WDR31: variants seen among roughly 807,000 people sequenced by gnomAD.
WDR31 encodes WD repeat-containing protein 31.
Under a neutral mutation model 47.3 loss-of-function variants are expected in WDR31, and 30 were observed. The ratio of observed to expected loss-of-function variants is 0.63; its 90% CI spans 0.47 to 0.86. WDR31 has a LOEUF of 0.86. Ranked by LOEUF, WDR31 falls within the 40% of genes least tolerant of loss-of-function variation. The pLI is 0.00. For synonymous variants in WDR31, 137 were observed against 159.4 expected, an observed-to-expected ratio of 0.86 and a Z score of 1.06; for missense variants, 406 against 442.9, an observed-to-expected ratio of 0.92 and a Z score of 0.75.
At chr9:113,329,404 G>A (rs1178708584) in intron 4 of WDR31, among the ~76,000 whole-genome samples, 1 of 152,050 alleles carries the variant, frequency 6.6e-6, no homozygotes, top group East Asian at 1.9e-4. Context: ...ACTTTGGGAG[G>A]CCAAGGCGGG....
At position 113,321,543 on chromosome 9, in the gene WDR31, G is replaced by A; in HGVS notation, c.606C>T (p.Tyr202=). Residue 202 remains tyrosine (Y), a synonymous_variant, in exon 8 of 11, where the codon TAC becomes TAT. Transcript: ENST00000374193. ...THLCWVPREP[Y]ILQTSEDKTL... ...TTTTATCTTCAGAGGTCTGTAGTAT[G>A]TATGGTTCTCTGGGGACCCAGCACA... The A allele has an allele frequency of 6.2e-7, 1 of 1,614,198 alleles. No homozygotes were observed. The highest frequency in any genetic ancestry group is 8.5e-7 in the Non-Finnish European group (1 of 1,180,030).
At chr9:113,332,313 GA>G (rs1300752240) in intron 2 of WDR31, among the ~76,000 whole-genome samples, 1 of 152,184 alleles carries the variant, frequency 6.6e-6, no homozygotes, top group Non-Finnish European at 1.5e-5. Context: ...CAAAAACACA[GA>G]AACAGATGTT....
Position 113,318,519 on chromosome 9 carries a change from G to A in WDR31, c.899C>T (p.Ser300Leu), listed in dbSNP as rs907719846. The A allele has an allele frequency of 2.5e-6, 4 of 1,614,122 alleles. No homozygotes were observed. The highest frequency in any genetic ancestry group is 3.4e-6 in the Non-Finnish European group (4 of 1,180,052). Residue 300 changes from serine (S) to leucine (L), a missense_variant, in exon 10 of 11, where the codon TCA becomes TTA. Ser to Leu is a moderately radical substitution (Grantham distance 145). Transcript: ENST00000374193. ...ALALMPLIAT[S>L]SHDCKVKIWN... ...AATCTTCACCTTGCAATCATGTGAT[G>A]AGGTAGCAATTAAAGGCATCAAGGC...
Position 113,315,952 on chromosome 9 carries a change from A to T in WDR31, c.*797T>A, listed in dbSNP as rs1333743263. On this transcript the variant is annotated 3_prime_UTR_variant, in exon 11 of 11. Transcript: ENST00000374193. ...AAACATATATATGTTTCATTTATATAAATCCAAATGAAAATATTAAAATTG... is the reference window on the plus strand; with the variant it reads ...AAACATATATATGTTTCATTTATATTAATCCAAATGAAAATATTAAAATTG... 1 of 152,364 alleles carries T rather than the reference A, an allele frequency of 6.6e-6. No homozygotes were observed. The highest frequency in any genetic ancestry group is 1.9e-4 in the East Asian group (1 of 5,192). 9.4% of individuals were successfully genotyped at this position (152,364 alleles called of 1,614,324 possible).
Position 113,314,614 on chromosome 9 carries a change from CTTAT to C in WDR31, c.*2131_*2134del, listed in dbSNP as rs914121400. On this transcript the variant is annotated 3_prime_UTR_variant, in exon 11 of 11. Transcript: ENST00000374193. ...TTGTCACCACCTTTCCTGGCATTTA[CTTAT>C]TTATTTATTTATTGAGATGGAGTTT... 3.4e-4 allele frequency: 52 copies of C among 150,752 alleles called. No individual in the cohort carries two copies. Among genetic ancestry groups the C allele is most frequent in the African/African-American group, 1.1e-3 (46 of 41,006 alleles). The allele number at this position is 150,752 out of a possible 1,614,324, so 9.3% of individuals were successfully genotyped here. A position where few individuals can be genotyped will look rare whatever the true frequency, so the allele number is the denominator to read the frequency against.
chr9:113,331,221 C>T, intron 3 of WDR31, 105 bp from the exon 4 acceptor site: 1 of 844,342 alleles, frequency 1.2e-6, no homozygotes, highest in Non-Finnish European at 1.7e-6. Flanking sequence ...CAATTCAGGC[C>T]AGACTAAGGA....
chr9:113,330,846 C>A (rs66790147), intron 4 of WDR31, 138 bp downstream of exon 4: 121,734 of 971,198 alleles, frequency 0.13, 8,340 homozygotes, highest in Non-Finnish European at 0.14. Context: ...GGATTTAAAT[C>A]CAGTCTTTCT....
intron 10 of WDR31, 44 bp downstream of exon 10, chr9:113,318,431 G>T: frequency 6.2e-7 from 1 of 1,611,418 alleles, no homozygotes; most frequent in South Asian, 1.1e-5. Context: ...AAGGTTTTAG[G>T]ACTTCATGTA....
chr9:113,320,335 T>C (rs1447575393), intron 9 of WDR31, 22 bp downstream of exon 9: 2 of 1,612,686 alleles, frequency 1.2e-6, no homozygotes, highest in African/African-American at 1.3e-5. Context: ...ACCAGATACC[T>C]GGACCTCACA....
intron 2 of WDR31, among the ~76,000 whole-genome samples, chr9:113,333,237 G>A (rs1833637562): frequency 1.4e-5 from 2 of 147,308 alleles, no homozygotes; most frequent in South Asian, 4.4e-4. Flanking sequence ...TTTATGTTAT[G>A]TGCACTCTGC....
intron 8 of WDR31, among the ~76,000 whole-genome samples, 182 bp from the exon 9 acceptor site, chr9:113,320,680 G>C (rs888584659): frequency 6.6e-6 from 1 of 152,212 alleles, no homozygotes; most frequent in Non-Finnish European, 1.5e-5. Flanking sequence ...AAGTTGGCAG[G>C]AAGTAACCAA....
In WDR31 at chr9:113,331,031, C is replaced by A; in HGVS notation, c.202G>T (p.Val68Leu). Residue 68 changes from valine to leucine, a missense_variant, in exon 4 of 11, where the codon GTG (valine) becomes TTG (leucine). Coordinates refer to ENST00000374193, the MANE Select transcript of WDR31 (RefSeq NM_001012361.4). Reference sequence around the variant, plus strand: ...CAAAGGTCTGAGTTCAAAGCAGCCACGACAGAGACGGTATCCATGTGAGCT... The same window carrying A: ...CAAAGGTCTGAGTTCAAAGCAGCCAAGACAGAGACGGTATCCATGTGAGCT... ...SPAHMDTVSV[V>L]AALNSDLCVS... is the part of the protein sequence containing the mutation. 6.2e-7 allele frequency: 1 copy of A among 1,612,480 alleles called. No homozygotes were observed. Among genetic ancestry groups the A allele is most frequent in the Non-Finnish European group, 8.5e-7 (1 of 1,178,750 alleles).
chr9:113,322,762 C>G, intron 7 of WDR31, 49 bp downstream of exon 7: 1 of 1,586,094 alleles, frequency 6.3e-7, no homozygotes. Flanking sequence ...TTTCCTTCAC[C>G]CCATGCTCCT....
chr9:113,318,772 A>G (rs1455431102), intron 9 of WDR31, 135 bp from the exon 10 acceptor site: 2 of 866,224 alleles, frequency 2.3e-6, no homozygotes, highest in Non-Finnish European at 3.6e-6. Context: ...ATCTTCATCC[A>G]TCCACAGACC....
At chr9:113,322,574 A>G (rs1348926655) in intron 7 of WDR31, among the ~76,000 whole-genome samples, 1 of 152,176 alleles carries the variant, frequency 6.6e-6, no homozygotes, top group Non-Finnish European at 1.5e-5. Flanking sequence ...GAAATAATGA[A>G]GACACCATTT....
At chr9:113,328,609 AG>A (rs1346980945) in intron 5 of WDR31, among the ~76,000 whole-genome samples, 1 of 152,246 alleles carries the variant, frequency 6.6e-6, no homozygotes, top group Non-Finnish European at 1.5e-5. Flanking sequence ...TTGTTGAGTC[AG>A]GATAGGTCAA....
chr9:113,332,435 A>C (rs1833619113), intron 2 of WDR31, among the ~76,000 whole-genome samples: 2 of 152,242 alleles, frequency 1.3e-5, no homozygotes, highest in South Asian at 4.1e-4. Flanking sequence ...TCATGTGGTC[A>C]ATCCACACAA....
chr9:113,326,154 G>T (rs777399922), intron 5 of WDR31, among the ~76,000 whole-genome samples: 11 of 152,082 alleles, frequency 7.2e-5, no homozygotes, highest in Non-Finnish European at 1.5e-4. Context: ...CAGGTGATCT[G>T]CCCGCCTTGG....
At chr9:113,325,322 C>A (rs1055782148) in intron 5 of WDR31, among the ~76,000 whole-genome samples, 2 of 152,148 alleles carry the variant, frequency 1.3e-5, no homozygotes, top group Non-Finnish European at 2.9e-5. Flanking sequence ...TACTGCCTTT[C>A]AATAAGTGAA....
Sources: allele counts gnomAD v4.1 joint callset (sites outside exome capture counted in the v4.1 genomes callset), GRCh38; gene constraint gnomAD v4.1.1; transcripts MANE v1.5; gene names NCBI Gene and HGNC (gene_info 2026-07-23, HGNC 2026-07-21).